The following SLCO2A1 variants were observed in gnomAD, a reference collection of about 807,000 sequenced individuals.
SLCO2A1 encodes matrin F/G 1.
A neutral mutation model predicts 71.7 loss-of-function variants in SLCO2A1; 60 were observed. The observed-to-expected ratio is 0.84, with a 90% CI of 0.68 to 1.04. The LOEUF (loss-of-function observed/expected upper bound fraction) is 1.04, where lower values mean the gene tolerates loss of function less well. Among genes scored for constraint, SLCO2A1 ranks in the 50% least tolerant of loss-of-function variants. The pLI is 0.00. For missense variants in SLCO2A1, 745 were observed against 813.4 expected (o/e 0.92, Z 1.02); for synonymous variants, 308 against 326.7 (o/e 0.94, Z 0.62).
intron 1 of SLCO2A1, among the ~76,000 whole-genome samples, chr3:133,984,857 A>G (rs570856703): frequency 4.8e-4 from 73 of 152,344 alleles, no homozygotes; most frequent in Middle Eastern, 3.4e-3. Context: ...TTTGTAAGCC[A>G]TGGTGTGACC....
At chr3:133,953,502 C>T (rs1933799982) in intron 5 of SLCO2A1, among the ~76,000 whole-genome samples, 161 bp downstream of exon 5, 1 of 152,242 alleles carries the variant, frequency 6.6e-6, no homozygotes, top group Non-Finnish European at 1.5e-5. Context: ...ACACTGTCTG[C>T]TCCTGGCTCT....
intron 1 of SLCO2A1, 40 bp downstream of exon 1, chr3:134,029,667 G>C: frequency 5.3e-6 from 8 of 1,505,668 alleles, no homozygotes; most frequent in Middle Eastern, 1.9e-4. Context: ...GGTGCGCCAG[G>C]CGCGGCTCCG....
chr3:133,936,308 G>T (rs1161624609), intron 12 of SLCO2A1, among the ~76,000 whole-genome samples: 1 of 152,160 alleles, frequency 6.6e-6, no homozygotes, highest in Admixed American at 6.5e-5. Context: ...TGAAGAGGAA[G>T]GGGTTCTTGG....
At chr3:133,998,270 T>G (rs1190686921) in intron 1 of SLCO2A1, among the ~76,000 whole-genome samples, 1 of 152,230 alleles carries the variant, frequency 6.6e-6, no homozygotes, top group African/African-American at 2.4e-5. Context: ...AAGCAGTCAC[T>G]TTATTTTTAA....
At chr3:134,001,293 T>G (rs145583594) in intron 1 of SLCO2A1, among the ~76,000 whole-genome samples, 1,603 of 152,264 alleles carry the variant, frequency 0.011, 15 homozygotes, top group Non-Finnish European at 0.018. Flanking sequence ...GTATTTTCAG[T>G]AGAGGTGGGG....
rs1933171805 is a variant in SLCO2A1, at chr3:133,932,735, T to G, written c.*1978A>C. 1 of 151,374 alleles carries G rather than the reference T, an allele frequency of 6.6e-6. No individual in the cohort carries two copies. The highest frequency in any genetic ancestry group is 2.5e-5 in the African/African-American group (1 of 40,598). 9.4% of individuals were successfully genotyped at this position (151,374 alleles called of 1,614,324 possible). ...AAATTAGAATATTTTAATAGTAATA[T>G]AATAGAATAAAGGTTTGGGAGTGCA... On this transcript the variant is annotated 3_prime_UTR_variant, in exon 14 of 14. Coordinates refer to ENST00000310926, the MANE Select transcript of SLCO2A1 (RefSeq NM_005630.3).
chr3:133,957,221 G>T (rs1382709768), intron 3 of SLCO2A1, among the ~76,000 whole-genome samples: 1 of 152,174 alleles, frequency 6.6e-6, no homozygotes, highest in Admixed American at 6.5e-5. Flanking sequence ...CACTTGTGCT[G>T]CCCTGAGCTA....
intron 1 of SLCO2A1, among the ~76,000 whole-genome samples, chr3:134,001,353 C>T (rs1935100121): frequency 6.6e-6 from 1 of 152,154 alleles, no homozygotes; most frequent in Admixed American, 6.5e-5. Context: ...TCAGGTAATC[C>T]ACCCCCGTCA....
intron 1 of SLCO2A1, among the ~76,000 whole-genome samples, chr3:133,994,278 C>G (rs942792890): frequency 1.3e-5 from 2 of 152,216 alleles, no homozygotes; most frequent in African/African-American, 2.4e-5. Context: ...ACAGTTGAGG[C>G]ACTGAGGCTC....
chr3:134,004,456 T>C (rs568403003), intron 1 of SLCO2A1, among the ~76,000 whole-genome samples: 4 of 152,220 alleles, frequency 2.6e-5, no homozygotes, highest in Non-Finnish European at 5.9e-5. Context: ...TGCCTCAGCA[T>C]CCTGAGTAGC....
chr3:133,939,124 T>A (rs1283122375), intron 11 of SLCO2A1, among the ~76,000 whole-genome samples: 2 of 152,252 alleles, frequency 1.3e-5, no homozygotes, highest in Non-Finnish European at 2.9e-5. Flanking sequence ...CTGCTGCAGC[T>A]GTCTGGAAAT....
chr3:133,971,506 C>A (rs1156823769), intron 3 of SLCO2A1, among the ~76,000 whole-genome samples: 1 of 152,162 alleles, frequency 6.6e-6, no homozygotes, highest in East Asian at 1.9e-4. Flanking sequence ...CATCATTAGA[C>A]ACCCCCATTC....
intron 1 of SLCO2A1, among the ~76,000 whole-genome samples, chr3:133,982,844 C>A (rs9870647): frequency 0.46 from 68,900 of 151,390 alleles, 16,566 homozygotes; most frequent in Non-Finnish European, 0.55. Flanking sequence ...GCAGGTCACG[C>A]CTGAATTGGC....
chr3:134,023,458 A>G (rs1372219514), intron 1 of SLCO2A1, among the ~76,000 whole-genome samples: 1 of 152,210 alleles, frequency 6.6e-6, no homozygotes, highest in Non-Finnish European at 1.5e-5. Context: ...GACTCTCCTC[A>G]GACTGGGCAT....
chr3:133,965,456 C>G (rs546233545), intron 3 of SLCO2A1, among the ~76,000 whole-genome samples: 1 of 152,292 alleles, frequency 6.6e-6, no homozygotes, highest in East Asian at 1.9e-4. Context: ...AAACTGCTTA[C>G]AAATGTGTGA....
In SLCO2A1 at chr3:134,010,133, A is replaced by G. The variant is rs548482934; in HGVS notation, c.96+19574T>C. The stretch of plus-strand genomic sequence containing the variant: ...TCCATACACCACCCTATGTTTTACC[A>G]CATGTGTGTCCTAATGAAATGTGCC... On this transcript the variant is annotated intron_variant, in intron 1 of 13. Transcript: ENST00000310926. Among the ~76,000 whole-genome samples the G allele has an allele frequency of 3.3e-5, 5 of 152,362 alleles. No homozygotes were observed. The East Asian group carries it at 7.7e-4, about 23-fold the overall frequency.
chr3:133,984,085 A>T (rs563445814), intron 1 of SLCO2A1, among the ~76,000 whole-genome samples: 7 of 152,330 alleles, frequency 4.6e-5, no homozygotes, highest in Non-Finnish European at 7.4e-5. Flanking sequence ...TAGAAAAACC[A>T]GTCTCCCTCC....
chr3:133,939,673 C>T (rs185747514), intron 11 of SLCO2A1, among the ~76,000 whole-genome samples: 2 of 152,226 alleles, frequency 1.3e-5, no homozygotes, highest in Non-Finnish European at 1.5e-5. Flanking sequence ...CTACAGATCC[C>T]TCCAGTGGTC....
chr3:133,937,014 C>A (rs895301859), intron 12 of SLCO2A1, among the ~76,000 whole-genome samples: 1 of 152,126 alleles, frequency 6.6e-6, no homozygotes, highest in African/African-American at 2.4e-5. Flanking sequence ...CCCCTCCAGG[C>A]CTGGGTTTTC....
Sources: gnomAD v4.1 joint callset for allele counts (sites outside exome capture counted in the v4.1 genomes callset) on GRCh38, gnomAD v4.1.1 for gene constraint, MANE v1.5 for transcripts, NCBI Gene and HGNC (gene_info 2026-07-23, HGNC 2026-07-21) for gene names.